KDM3A: variants seen among roughly 807,000 people sequenced by gnomAD.
The protein encoded by KDM3A is lysine-specific demethylase 3A.
KDM3A carries 60 observed loss-of-function variants against 158.0 expected under a neutral mutation model. The observed-to-expected ratio is 0.38, with a 90% CI of 0.31 to 0.47. KDM3A has a LOEUF of 0.47. KDM3A is among the 20% of genes least tolerant of loss of function. The pLI, the probability that KDM3A is intolerant of heterozygous loss-of-function variation, is 0.99. For synonymous variants in KDM3A, 608 were observed against 549.3 expected (o/e 1.11, Z -1.49); for missense variants, 1,319 against 1,574.3 (o/e 0.84, Z 2.74).
chr2:86,457,211 A>C, intron 8 of KDM3A, 140 bp downstream of exon 8: 1 of 312,466 alleles, frequency 3.2e-6, no homozygotes, highest in Non-Finnish European at 5.7e-6. Flanking sequence ...ACTGGAGTGC[A>C]GTGGTGCAAC....
chr2:86,478,309 T>A, intron 14 of KDM3A, 44 bp downstream of exon 14: 1 of 1,401,480 alleles, frequency 7.1e-7, no homozygotes, highest in Non-Finnish European at 1.0e-6. Flanking sequence ...TTGTCTTGGT[T>A]AACTCATGGG....
chr2:86,440,136 T>C, upstream of KDM3A, among the ~76,000 whole-genome samples: 1 of 152,200 alleles, frequency 6.6e-6, no homozygotes. Context: ...TCTTCTCATT[T>C]AGCAGCCCCC....
chr2:86,441,382 G>T lies in KDM3A; in HGVS notation c.-93G>T, dbSNP rs1229985722. The T allele has an allele frequency of 6.6e-6, 1 of 152,322 alleles. No homozygotes were observed. Among genetic ancestry groups the T allele is most frequent in the Non-Finnish European group, 1.5e-5 (1 of 68,142 alleles). 9.4% of individuals were successfully genotyped at this position (152,322 alleles called of 1,614,324 possible). A position where few individuals can be genotyped will look rare whatever the true frequency, so the allele number is the denominator to read the frequency against. On this transcript the variant is annotated 5_prime_UTR_variant, in exon 1 of 26. Transcript: ENST00000312912. ...AGAGCTCTTGAACCAAGTCAGCGCT[G>T]GAGTCGGCTAGGCGGCTGGAAACGG...
Position 86,480,170 on chromosome 2 carries a change from TC to T in KDM3A, c.2321del (p.Ser774PhefsTer2). 6.2e-7 allele frequency: 1 copy of T among 1,611,944 alleles called. No homozygotes were observed. Among genetic ancestry groups the T allele is most frequent in the Non-Finnish European group, 8.5e-7 (1 of 1,179,402 alleles). ...PASKEDLKQT[S>X]LAGEKPTLGA... The stretch of plus-strand genomic sequence containing the variant: ...CGTCCTTTAATGCTTAACACAGACT[TC>T]TTTAGCTGGAGAAAAACCGACTCTT... On this transcript the variant is annotated frameshift_variant, in exon 16 of 26. Transcript: ENST00000312912. LOFTEE classifies it high-confidence loss of function.
Position 86,489,514 on chromosome 2 carries a change from C to G in KDM3A, c.3434-6C>G. On this transcript the variant is annotated splice_region_variant and splice_polypyrimidine_tract_variant and intron_variant, in intron 22 of 25. Coordinates refer to ENST00000312912, the MANE Select transcript of KDM3A (RefSeq NM_018433.6). Reference sequence around the variant, plus strand: ...GTCTGATATCTGCTTTCTCTTCTTGCTCTAGAAGTCCTTAAGACCATCCAA... The same window carrying G: ...GTCTGATATCTGCTTTCTCTTCTTGGTCTAGAAGTCCTTAAGACCATCCAA... 6.2e-7 allele frequency: 1 copy of G among 1,611,700 alleles called. No homozygotes were observed. The highest frequency in any genetic ancestry group is 8.5e-7 in the Non-Finnish European group (1 of 1,179,040).
chr2:86,484,073 A>G lies in KDM3A; in HGVS notation c.3009A>G (p.Glu1003=). 2 of 1,614,018 alleles carry G rather than the reference A, an allele frequency of 1.2e-6. No individual in the cohort carries two copies. The highest frequency in any genetic ancestry group is 1.1e-5 in the South Asian group (1 of 91,078). The change falls in exon 19 of 26, where the codon GAA becomes GAG. Residue 1003 remains glutamate (E), a synonymous_variant. Transcript: ENST00000312912. ...ESFRKEFGEQ[E]VDLVNCRTNE... ...TCAGGAAAGAGTTTGGTGAGCAGGA[A>G]GTAGACCTAGTTAATTGTAGGACCA...
intron 7 of KDM3A, 23 bp downstream of exon 7, chr2:86,456,900 T>G (rs745430371): frequency 1.3e-6 from 2 of 1,586,634 alleles, no homozygotes; most frequent in East Asian, 2.2e-5. Context: ...ATTAAAATCT[T>G]TCTTCTCCTT....
chr2:86,452,544 A>G (rs2104635199), intron 4 of KDM3A, among the ~76,000 whole-genome samples: 1 of 152,300 alleles, frequency 6.6e-6, no homozygotes, highest in Non-Finnish European at 1.5e-5. Context: ...GCAAATGATG[A>G]GAATAGACTG....
chr2:86,438,809 ATGTG>A (rs1437332033), upstream of KDM3A, among the ~76,000 whole-genome samples: 2 of 152,012 alleles, frequency 1.3e-5, no homozygotes, highest in Admixed American at 1.3e-4. Flanking sequence ...TTGTTTTTGT[ATGTG>A]TATTTTGAAA....
intron 2 of KDM3A, among the ~76,000 whole-genome samples, chr2:86,447,486 G>T (rs1174127548): frequency 5.4e-5 from 8 of 148,870 alleles, no homozygotes; most frequent in Non-Finnish European, 8.9e-5. Flanking sequence ...ATAGATATTA[G>T]ATAATTGTGT....
At chr2:86,473,212 G>A (rs1011252789) in intron 11 of KDM3A, among the ~76,000 whole-genome samples, 3 of 152,258 alleles carry the variant, frequency 2.0e-5, no homozygotes, top group African/African-American at 7.2e-5. Context: ...AGGCTGGAGT[G>A]CATTGGCACG....
chr2:86,476,230 C>T (rs1348972552), intron 12 of KDM3A, among the ~76,000 whole-genome samples: 1 of 152,214 alleles, frequency 6.6e-6, no homozygotes, highest in Non-Finnish European at 1.5e-5. Context: ...GTGGTACATA[C>T]ATGACTGCAA....
rs187295983 is a variant in KDM3A, at chr2:86,489,209, T to C, written c.3314-109T>C. 858 of 1,214,078 alleles carry C rather than the reference T, an allele frequency of 7.1e-4. 5 individuals carry two copies. The African/African-American group carries it at 7.5e-3, about 11-fold the overall frequency. 75.2% of individuals were successfully genotyped at this position (1,214,078 alleles called of 1,614,324 possible). The stretch of plus-strand genomic sequence containing the variant: ...CAATAATTTGATCCAGAATTTTTAT[T>C]CTCAGCAGAAGAGTCAATCAGGGAC... On this transcript the variant is annotated intron_variant, in intron 21 of 25. Transcript: ENST00000312912.
At chr2:86,470,156 A>C (rs757794680) in intron 10 of KDM3A, 48 bp from the exon 11 acceptor site, 2 of 1,516,502 alleles carry the variant, frequency 1.3e-6, no homozygotes, top group Non-Finnish European at 9.1e-7. Flanking sequence ...TATGAATGTG[A>C]TTTTTAAAAA....
intron 9 of KDM3A, among the ~76,000 whole-genome samples, chr2:86,464,417 T>C (rs1345758023): frequency 6.6e-6 from 1 of 152,074 alleles, no homozygotes; most frequent in African/African-American, 2.4e-5. Context: ...AAAGGGGGCA[T>C]GAGAAAAGAG....
rs193258446 is a variant in KDM3A, at chr2:86,492,156, T to A, written c.*37T>A. The A allele has an allele frequency of 1.6e-4, 231 of 1,442,716 alleles. 2 individuals are homozygous for A. The highest frequency in any genetic ancestry group is 8.7e-4 in the Middle Eastern group (5 of 5,750). The allele number at this position is 1,442,716 out of a possible 1,614,324, so 89.4% of individuals were successfully genotyped here. A position where few individuals can be genotyped will look rare whatever the true frequency, so the allele number is the denominator to read the frequency against. ...ATTGGAAATGAATTACAGGCAGCTG[T>A]TCAAACTCTTCAGGCAGGATTCCTG... On this transcript the variant is annotated 3_prime_UTR_variant, in exon 26 of 26. Coordinates refer to ENST00000312912, the MANE Select transcript of KDM3A (RefSeq NM_018433.6).
chr2:86,452,537 A>C (rs999544472), intron 4 of KDM3A, among the ~76,000 whole-genome samples: 5 of 152,150 alleles, frequency 3.3e-5, no homozygotes. Context: ...AACTACTGCA[A>C]ATGATGAGAA....
chr2:86,481,828 TA>T, intron 16 of KDM3A, 101 bp from the exon 17 acceptor site: 1 of 864,816 alleles, frequency 1.2e-6, no homozygotes, highest in Non-Finnish European at 1.8e-6. Flanking sequence ...TTTGTTTCAG[TA>T]AATAGAAAGC....
chr2:86,439,542 T>C (rs962306545), upstream of KDM3A, among the ~76,000 whole-genome samples: 1 of 152,104 alleles, frequency 6.6e-6, no homozygotes, highest in Non-Finnish European at 1.5e-5. Flanking sequence ...AAAGTATATG[T>C]TCCTTCAGGT....
Sources: allele counts gnomAD v4.1 joint callset (sites outside exome capture counted in the v4.1 genomes callset), GRCh38; gene constraint gnomAD v4.1.1; transcripts MANE v1.5; gene names NCBI Gene and HGNC (gene_info 2026-07-23, HGNC 2026-07-21).